Variants in WDR49 observed in about 807,000 individuals in gnomAD.
WDR49 encodes the protein cilia- and flagella-associated protein 337.
A neutral mutation model predicts 119.5 loss-of-function variants in WDR49; 107 were observed. The ratio of observed to expected loss-of-function variants is 0.90; its 90% CI spans 0.77 to 1.05. The LOEUF is 1.05. WDR49 is among the 50% of genes least tolerant of loss of function. The pLI is 0.00. For synonymous variants in WDR49, 425 were observed against 418.8 expected, an observed-to-expected ratio of 1.01 and a Z score of -0.18; for missense variants, 1,240 against 1,220.5, an observed-to-expected ratio of 1.02 and a Z score of -0.24.
chr3:167,479,443 GA>G (rs971493387), intron 18 of WDR49, among the ~76,000 whole-genome samples: 3 of 151,776 alleles, frequency 2.0e-5, no homozygotes, highest in African/African-American at 4.8e-5. Flanking sequence ...GCAGTTTTAG[GA>G]AAAAAAAGAA....
chr3:167,640,873 C>A (rs781305345), intron 2 of WDR49, among the ~76,000 whole-genome samples: 1 of 151,564 alleles, frequency 6.6e-6, no homozygotes, highest in South Asian at 2.1e-4. Context: ...TCGAGAAAAC[C>A]CCACAGGCAA....
At chr3:167,502,220 G>A (rs1312773160) in intron 17 of WDR49, among the ~76,000 whole-genome samples, 2 of 152,142 alleles carry the variant, frequency 1.3e-5, no homozygotes, top group African/African-American at 2.4e-5. Flanking sequence ...TAAGGTTTCT[G>A]AGGCCCTCAC....
chr3:167,595,647 G>A (rs559947758), intron 7 of WDR49, among the ~76,000 whole-genome samples: 1 of 152,314 alleles, frequency 6.6e-6, no homozygotes, highest in South Asian at 2.1e-4. Context: ...AAATGGTGCT[G>A]GGGAAATTGG....
intron 8 of WDR49, among the ~76,000 whole-genome samples, chr3:167,568,503 G>A (rs1713742704): frequency 6.6e-6 from 1 of 152,210 alleles, no homozygotes; most frequent in South Asian, 2.1e-4. Flanking sequence ...ACCTGCTGGT[G>A]TAACTACGGC....
intron 7 of WDR49, among the ~76,000 whole-genome samples, chr3:167,599,141 A>G (rs1057283275): frequency 4.6e-5 from 7 of 152,212 alleles, no homozygotes; most frequent in Admixed American, 2.6e-4. Context: ...CATGTGGTTA[A>G]GCAGACAACC....
At chr3:167,538,064 G>A (rs1172864701) in intron 10 of WDR49, among the ~76,000 whole-genome samples, 1 of 151,816 alleles carries the variant, frequency 6.6e-6, no homozygotes, top group African/African-American at 2.4e-5. Flanking sequence ...ATACACAATG[G>A]AACATTCCTT....
chr3:167,503,697 G>A (rs1194816860), intron 17 of WDR49, among the ~76,000 whole-genome samples: 2 of 152,190 alleles, frequency 1.3e-5, no homozygotes, highest in Non-Finnish European at 2.9e-5. Flanking sequence ...AGTCAGCGGT[G>A]GGTCTGTGAA....
intron 2 of WDR49, among the ~76,000 whole-genome samples, chr3:167,651,511 T>C (rs1351569715): frequency 6.6e-6 from 1 of 152,146 alleles, no homozygotes; most frequent in Non-Finnish European, 1.5e-5. Context: ...GGCTCAAAGG[T>C]CTAACTTTTA....
At chr3:167,613,930 ACT>A (rs1163909395) in intron 5 of WDR49, among the ~76,000 whole-genome samples, 2 of 136,924 alleles carry the variant, frequency 1.5e-5, no homozygotes, top group Admixed American at 7.1e-5. Context: ...ACAGAGCAAG[ACT>A]CTGTCTCAAA....
In WDR49 at chr3:167,633,865, A is replaced by G. The variant is rs1263980307; in HGVS notation, c.166-6573T>C. Among the ~76,000 whole-genome samples the G allele has an allele frequency of 6.6e-5, 10 of 152,024 alleles. 1 individual carries two copies. On this transcript the variant is annotated intron_variant, in intron 2 of 18. Transcript: ENST00000682715. The stretch of plus-strand genomic sequence containing the variant: ...CAATAAGATTGTCTGTATGAAGGCC[A>G]TCTTCTTTACATTAGGCAACTCTAT...
intron 5 of WDR49, among the ~76,000 whole-genome samples, chr3:167,611,096 A>G (rs1387509358): frequency 6.6e-6 from 1 of 152,222 alleles, no homozygotes; most frequent in African/African-American, 2.4e-5. Context: ...TGAAATAGAA[A>G]GACTAAATGA....
chr3:167,637,473 TG>T (rs1717676243), intron 2 of WDR49, among the ~76,000 whole-genome samples: 1 of 151,782 alleles, frequency 6.6e-6, no homozygotes, highest in Non-Finnish European at 1.5e-5. Context: ...TTTGGCTATG[TG>T]GGCTCTTTTT....
intron 16 of WDR49, among the ~76,000 whole-genome samples, chr3:167,517,248 T>C (rs62277765): frequency 2.4e-3 from 360 of 152,256 alleles, no homozygotes; most frequent in Admixed American, 4.4e-3. Context: ...GCTGGAGGCA[T>C]CAGGCTACCC....
Position 167,547,656 on chromosome 3 carries a change from CT to C in WDR49, c.1823+6993del, listed in dbSNP as rs74953812. ...TCCCTATTCTAGGAGACAAGATTTT[CT>C]TTTTTTTTTTTTTTACATTTAAAAT... is the stretch of plus-strand genomic sequence containing the variant. On this transcript the variant is annotated intron_variant, in intron 10 of 18. Transcript: ENST00000682715. Among the ~76,000 whole-genome samples the C allele has an allele frequency of 7.1e-3, 942 of 131,940 alleles. 1 individual carries two copies. The highest frequency in any genetic ancestry group is 0.019 in the South Asian group (78 of 4,040). The allele number at this position is 131,940 out of a possible 152,430, so 86.6% of individuals were successfully genotyped here. A position where few individuals can be genotyped will look rare whatever the true frequency, so the allele number is the denominator to read the frequency against.
chr3:167,558,062 C>A (rs925605284), intron 9 of WDR49, among the ~76,000 whole-genome samples: 3 of 151,978 alleles, frequency 2.0e-5, no homozygotes, highest in Admixed American at 2.0e-4. Context: ...GAAACCAACC[C>A]AGGAACACAG....
intron 18 of WDR49, among the ~76,000 whole-genome samples, chr3:167,489,715 A>G (rs905470586): frequency 5.3e-5 from 8 of 152,088 alleles, no homozygotes; most frequent in African/African-American, 1.9e-4. Context: ...AACTAACTAT[A>G]TCAGCTGAAC....
intron 2 of WDR49, among the ~76,000 whole-genome samples, chr3:167,650,849 C>A (rs975926769): frequency 6.6e-6 from 1 of 152,144 alleles, no homozygotes; most frequent in Non-Finnish European, 1.5e-5. Flanking sequence ...CTCCTCTAAT[C>A]TTCATGAAAG....
At chr3:167,607,097 C>A (rs1560310445) in intron 5 of WDR49, among the ~76,000 whole-genome samples, 6 of 152,146 alleles carry the variant, frequency 3.9e-5, no homozygotes, top group Admixed American at 3.9e-4. Flanking sequence ...ATACGGCATT[C>A]CTTTCTCCTG....
At chr3:167,616,979 GA>G (rs1716626929) in intron 5 of WDR49, among the ~76,000 whole-genome samples, 1 of 152,116 alleles carries the variant, frequency 6.6e-6, no homozygotes, top group Admixed American at 6.6e-5. Flanking sequence ...TCTAGGCTTG[GA>G]AAGGTAAGAG....
Sources: gnomAD v4.1 joint callset for allele counts (sites outside exome capture counted in the v4.1 genomes callset) on GRCh38, gnomAD v4.1.1 for gene constraint, MANE v1.5 for transcripts, NCBI Gene and HGNC (gene_info 2026-07-23, HGNC 2026-07-21) for gene names.